CLMN: variants seen among roughly 807,000 people sequenced by gnomAD.
CLMN encodes the protein calmin.
CLMN carries 57 observed loss-of-function variants against 92.7 expected under a neutral mutation model. That is an observed-to-expected ratio of 0.61 (90% CI 0.50 to 0.77). CLMN has a LOEUF of 0.77. CLMN is among the 30% of genes least tolerant of loss of function. CLMN has a pLI of 0.00. For missense variants in CLMN, 1,158 were observed against 1,237.5 expected (o/e 0.94, Z 0.96); for synonymous variants, 466 against 470.6 (o/e 0.99, Z 0.13).
chr14:95,296,342 A>T (rs959443338), intron 1 of CLMN: 1 of 152,252 alleles, frequency 6.6e-6, no homozygotes, highest in Non-Finnish European at 1.5e-5. Flanking sequence ...CCCTTACAAC[A>T]TAATTATAAA....
intron 1 of CLMN, among the ~76,000 whole-genome samples, chr14:95,273,564 G>T (rs1899799351): frequency 6.6e-6 from 1 of 152,144 alleles, no homozygotes; most frequent in Admixed American, 6.5e-5. Context: ...CTCAGGAAAG[G>T]CCCTGAAAGG....
At chr14:95,319,523 T>C (rs1327337971) in intron 1 of CLMN, among the ~76,000 whole-genome samples, 188 bp downstream of exon 1, 1 of 152,092 alleles carries the variant, frequency 6.6e-6, no homozygotes, top group Admixed American at 6.5e-5. Context: ...ACTGTAAACC[T>C]GGCCGCGGCT....
intron 1 of CLMN, among the ~76,000 whole-genome samples, chr14:95,247,087 G>C (rs1049838867): frequency 6.7e-6 from 1 of 150,280 alleles, no homozygotes; most frequent in African/African-American, 2.5e-5. Flanking sequence ...CCTGGGTGAA[G>C]GTACTCAGGA....
At chr14:95,223,023 T>C (rs990331986) in intron 3 of CLMN, among the ~76,000 whole-genome samples, 4 of 152,244 alleles carry the variant, frequency 2.6e-5, no homozygotes, top group African/African-American at 9.6e-5. Flanking sequence ...TGGAACAGGC[T>C]TTCTCAATCT....
At chr14:95,254,875 T>C (rs1898932041) in intron 1 of CLMN, among the ~76,000 whole-genome samples, 1 of 152,176 alleles carries the variant, frequency 6.6e-6, no homozygotes, top group South Asian at 2.1e-4. Context: ...TAGTTTCTTT[T>C]GTAGAGACAG....
At chr14:95,267,221 T>C (rs1389901170) in intron 1 of CLMN, among the ~76,000 whole-genome samples, 2 of 151,984 alleles carry the variant, frequency 1.3e-5, no homozygotes, top group African/African-American at 4.8e-5. Context: ...AAGGAAACAA[T>C]CAACAAAGTG....
intron 1 of CLMN, among the ~76,000 whole-genome samples, chr14:95,316,781 C>A (rs1901792752): frequency 6.6e-6 from 1 of 152,148 alleles, no homozygotes; most frequent in Admixed American, 6.5e-5. Flanking sequence ...TCAGGGCTAC[C>A]CCTCATTAAT....
rs962933796 is a variant in CLMN at position 95,182,660 on chromosome 14, C to A, written c.*8904G>T. The A allele has an allele frequency of 6.7e-6, 1 of 149,940 alleles. No homozygotes were observed. Among genetic ancestry groups the A allele is most frequent in the South Asian group, 2.1e-4 (1 of 4,838 alleles). 9.3% of individuals were successfully genotyped at this position (149,940 alleles called of 1,614,324 possible). A position where few individuals can be genotyped will look rare whatever the true frequency, so the allele number is the denominator to read the frequency against. On this transcript the variant is annotated 3_prime_UTR_variant, in exon 13 of 13. Transcript: ENST00000298912. ...GGGATCCTTGTTGGAATGCAAACGG[C>A]TCCGATTCTGAGTAGAATTTCAGAA...
rs1376955198 is a variant in CLMN at position 95,268,802 on chromosome 14, T to C, written c.83-38669A>G. 2.9e-5 allele frequency among the ~76,000 whole-genome samples: 4 copies of C among 136,356 alleles called. No individual in the cohort carries two copies. In the East Asian group the frequency reaches 8.2e-4, roughly 28 times the overall value. The allele number at this position is 136,356 out of a possible 152,430, so 89.5% of individuals were successfully genotyped here. A position where few individuals can be genotyped will look rare whatever the true frequency, so the allele number is the denominator to read the frequency against. On this transcript the variant is annotated intron_variant, in intron 1 of 12. Transcript: ENST00000298912. ...CCTCTCTCTCTCTCTCTCTTTTTTT[T>C]TTTTTTTTTTTTTTTTTTTTAGACA...
At chr14:95,292,295 G>A (rs2140761030) in intron 1 of CLMN, among the ~76,000 whole-genome samples, 1 of 152,332 alleles carries the variant, frequency 6.6e-6, no homozygotes, top group African/African-American at 2.4e-5. Flanking sequence ...ATTTTATACA[G>A]TGGACATGTA....
At chr14:95,242,422 C>T (rs538902115) in intron 1 of CLMN, among the ~76,000 whole-genome samples, 3 of 151,796 alleles carry the variant, frequency 2.0e-5, no homozygotes, top group Admixed American at 2.0e-4. Context: ...CCATGCCTGG[C>T]TAATTTTTTG....
intron 3 of CLMN, 72 bp downstream of exon 3, chr14:95,223,688 G>T: frequency 8.3e-7 from 1 of 1,202,416 alleles, no homozygotes; most frequent in Non-Finnish European, 1.2e-6. Context: ...AGGTATTTGT[G>T]TTGAAAAGAA....
At chr14:95,229,106 G>A (rs1008558910) in intron 2 of CLMN, among the ~76,000 whole-genome samples, 3 of 152,230 alleles carry the variant, frequency 2.0e-5, no homozygotes, top group Non-Finnish European at 2.9e-5. Context: ...TGCTTAAGGA[G>A]AAAGAGGTGA....
chr14:95,301,201 A>G (rs1400075564), intron 1 of CLMN, among the ~76,000 whole-genome samples: 1 of 152,192 alleles, frequency 6.6e-6, no homozygotes, highest in African/African-American at 2.4e-5. Context: ...TGCACATCAA[A>G]GAGTCTTTTG....
intron 6 of CLMN, among the ~76,000 whole-genome samples, chr14:95,211,630 C>T (rs752838226): frequency 6.7e-6 from 1 of 149,116 alleles, no homozygotes; most frequent in African/African-American, 2.5e-5. Context: ...ATCTCTCAAC[C>T]GTGGTCAATA....
At chr14:95,282,158 T>C (rs142038607) in intron 1 of CLMN, among the ~76,000 whole-genome samples, 317 of 152,316 alleles carry the variant, frequency 2.1e-3, no homozygotes, top group African/African-American at 7.3e-3. Context: ...GGGAACACCA[T>C]GTACAAAAAG....
intron 1 of CLMN, among the ~76,000 whole-genome samples, chr14:95,232,178 T>G (rs192684580): frequency 1.2e-4 from 19 of 152,366 alleles, no homozygotes. Context: ...TGGGCCCCAG[T>G]GCCAGTGTCT....
At chr14:95,279,240 T>G (rs1172208546) in intron 1 of CLMN, among the ~76,000 whole-genome samples, 1 of 152,230 alleles carries the variant, frequency 6.6e-6, no homozygotes, top group East Asian at 1.9e-4. Context: ...ATTGGTAAAA[T>G]AAAAATATCT....
chr14:95,182,376 C>T lies in CLMN; in HGVS notation c.*9188G>A, dbSNP rs549218940. The T allele has an allele frequency of 1.3e-5, 2 of 152,366 alleles. No individual in the cohort carries two copies. The highest frequency in any genetic ancestry group is 4.1e-4 in the South Asian group (2 of 4,832). The allele number at this position is 152,366 out of a possible 1,614,324, so 9.4% of individuals were successfully genotyped here. On this transcript the variant is annotated 3_prime_UTR_variant, in exon 13 of 13. Coordinates refer to ENST00000298912, the MANE Select transcript of CLMN (RefSeq NM_024734.4). Reference sequence around the variant, plus strand: ...ATAAAACAATGATCACCACCCACTACAATATGGTCTGAACAATCTCCTGTC... The same window carrying T: ...ATAAAACAATGATCACCACCCACTATAATATGGTCTGAACAATCTCCTGTC...
Sources: allele counts gnomAD v4.1 joint callset (sites outside exome capture counted in the v4.1 genomes callset), GRCh38; gene constraint gnomAD v4.1.1; transcripts MANE v1.5; gene names NCBI Gene and HGNC (gene_info 2026-07-23, HGNC 2026-07-21).